Variants in ADCY8 observed in about 807,000 individuals in gnomAD.
ADCY8 encodes adenylate cyclase type 8.
A neutral mutation model predicts 119.7 loss-of-function variants in ADCY8; 51 were observed. The ratio of observed to expected loss-of-function variants is 0.43; its 90% CI spans 0.34 to 0.54. ADCY8 has a LOEUF of 0.54. Among genes scored for constraint, ADCY8 ranks in the 20% least tolerant of loss-of-function variants. The pLI, the probability that ADCY8 is intolerant of heterozygous loss-of-function variation, is 0.03. For missense variants in ADCY8, 1,383 were observed against 1,598.8 expected (o/e 0.87, Z 2.30); for synonymous variants, 665 against 651.0 (o/e 1.02, Z -0.33).
At chr8:130,912,080 A>G (rs1004683802) in intron 5 of ADCY8, among the ~76,000 whole-genome samples, 1 of 152,158 alleles carries the variant, frequency 6.6e-6, no homozygotes, top group Non-Finnish European at 1.5e-5. Flanking sequence ...TTTCAATGGA[A>G]GAGCTTCTAC....
At chr8:130,980,239 T>G (rs190108017) in intron 2 of ADCY8, among the ~76,000 whole-genome samples, 1 of 152,350 alleles carries the variant, frequency 6.6e-6, no homozygotes, top group Non-Finnish European at 1.5e-5. Context: ...CCTAATCAAG[T>G]GTGATTGCAT....
intron 15 of ADCY8, among the ~76,000 whole-genome samples, chr8:130,795,354 C>A (rs918877436): frequency 2.0e-5 from 3 of 152,192 alleles, no homozygotes; most frequent in Admixed American, 6.5e-5. Context: ...ATGTGGAACA[C>A]CTTTTTCAAA....
At chr8:130,971,388 G>A (rs1350408218) in intron 2 of ADCY8, among the ~76,000 whole-genome samples, 2 of 152,108 alleles carry the variant, frequency 1.3e-5, no homozygotes, top group Non-Finnish European at 2.9e-5. Flanking sequence ...AGAACCCAAT[G>A]TTATTTGTAT....
At chr8:130,909,086 C>A (rs916530238) in intron 6 of ADCY8, among the ~76,000 whole-genome samples, 4 of 151,948 alleles carry the variant, frequency 2.6e-5, no homozygotes, top group African/African-American at 4.8e-5. Context: ...AGAGAGGCTG[C>A]AGAAAATCAC....
At chr8:130,820,024 C>T (rs781459692) in intron 13 of ADCY8, among the ~76,000 whole-genome samples, 2 of 152,200 alleles carry the variant, frequency 1.3e-5, no homozygotes, top group Non-Finnish European at 2.9e-5. Context: ...AATAGCCTTA[C>T]TTTCATCGTC....
chr8:130,949,412 T>G (rs1821206558), intron 3 of ADCY8: 2 of 152,162 alleles, frequency 1.3e-5, no homozygotes, highest in African/African-American at 4.8e-5. Flanking sequence ...TTATATGATT[T>G]GTATATATTT....
At chr8:130,783,556 T>A in intron 17 of ADCY8, 135 bp downstream of exon 17, 1 of 602,068 alleles carries the variant, frequency 1.7e-6, no homozygotes, top group Non-Finnish European at 2.9e-6. Context: ...CTTGTCCCTA[T>A]CCTTGGCAGG....
At chr8:130,846,908 C>CTTCT (rs1300556010) in intron 11 of ADCY8, among the ~76,000 whole-genome samples, 2 of 109,808 alleles carry the variant, frequency 1.8e-5, no homozygotes, top group African/African-American at 3.5e-5. Flanking sequence ...TCCTTCCTTC[C>CTTCT]TTCCTTCCTT....
At chr8:130,783,841 C>G (rs747495751) in intron 16 of ADCY8, 36 bp from the exon 17 acceptor site, 10 of 1,520,098 alleles carry the variant, frequency 6.6e-6, no homozygotes, top group Non-Finnish European at 8.2e-6. Flanking sequence ...TCATTTAATG[C>G]GGAATGTGGG....
chr8:130,950,238 C>T (rs984170118), intron 3 of ADCY8, among the ~76,000 whole-genome samples: 11 of 152,170 alleles, frequency 7.2e-5, no homozygotes, highest in African/African-American at 2.4e-4. Context: ...TACAGTTCCA[C>T]TGTATAAGCT....
chr8:130,956,971 T>G (rs185404632), intron 2 of ADCY8, among the ~76,000 whole-genome samples: 1 of 152,280 alleles, frequency 6.6e-6, no homozygotes, highest in Non-Finnish European at 1.5e-5. Context: ...TGGGTATATC[T>G]TTACTAGTAG....
chr8:130,838,622 T>C (rs1053297746), intron 11 of ADCY8, among the ~76,000 whole-genome samples: 2 of 141,106 alleles, frequency 1.4e-5, no homozygotes, highest in African/African-American at 4.9e-5. Flanking sequence ...TTGCAAATTA[T>C]GAATCATTTA....
chr8:130,883,459 G>A (rs1818857570), intron 8 of ADCY8, among the ~76,000 whole-genome samples: 1 of 152,114 alleles, frequency 6.6e-6, no homozygotes, highest in South Asian at 2.1e-4. Flanking sequence ...GGAACTGTAG[G>A]TGAAGGTATT....
At chr8:131,029,212 C>T (rs1374099057) in intron 1 of ADCY8, among the ~76,000 whole-genome samples, 4 of 152,218 alleles carry the variant, frequency 2.6e-5, no homozygotes, top group African/African-American at 9.7e-5. Flanking sequence ...GATGATCTGT[C>T]ACTGTCTCCC....
At chr8:130,943,493 G>GGGGT in intron 3 of ADCY8, 31 bp from the exon 4 acceptor site, 1 of 587,450 alleles carries the variant, frequency 1.7e-6, no homozygotes, top group South Asian at 1.5e-5. Context: ...GGGGGTGGGG[G>GGGGT]GAGGAAGTAT....
chr8:130,797,796 G>A (rs1490728596), intron 15 of ADCY8, among the ~76,000 whole-genome samples: 1 of 152,218 alleles, frequency 6.6e-6, no homozygotes, highest in African/African-American at 2.4e-5. Context: ...GAGGCAAGAA[G>A]TGATCACGTC....
intron 2 of ADCY8, among the ~76,000 whole-genome samples, chr8:130,975,108 G>A (rs1822032178): frequency 1.3e-5 from 2 of 152,218 alleles, no homozygotes; most frequent in Admixed American, 6.5e-5. Flanking sequence ...GGCAAGAACA[G>A]TGCTGTCCTC....
chr8:130,880,967 G>C (rs913069713), intron 8 of ADCY8, among the ~76,000 whole-genome samples: 1 of 152,176 alleles, frequency 6.6e-6, no homozygotes, highest in Non-Finnish European at 1.5e-5. Context: ...GGAAAGATAT[G>C]TTCGCTAAGC....
chr8:130,884,582 G>C lies in ADCY8; in HGVS notation c.2091C>G (p.Asp697Glu). 1 of 1,613,808 alleles carries C rather than the reference G, an allele frequency of 6.2e-7. No homozygotes were observed. The highest frequency in any genetic ancestry group is 8.5e-7 in the Non-Finnish European group (1 of 1,179,818). ...GCTCTACCTTGTGCTCCAGGCTGGA[G>C]TCTTTAAACATCAGTGAGAATGGCT... The part of the protein sequence containing the change: ...HIKPFSLMFK[D>E]SSLEHKYSQM... Residue 697 changes from aspartate to glutamate, a missense_variant, in exon 8 of 18, where the codon GAC becomes GAG. Coordinates refer to ENST00000286355, the MANE Select transcript of ADCY8 (RefSeq NM_001115.3).
Sources: allele counts gnomAD v4.1 joint callset (sites outside exome capture counted in the v4.1 genomes callset), GRCh38; gene constraint gnomAD v4.1.1; transcripts MANE v1.5; gene names NCBI Gene and HGNC (gene_info 2026-07-23, HGNC 2026-07-21).